TOX2: variants seen among roughly 807,000 people sequenced by gnomAD.
The protein encoded by TOX2 is granulosa cell HMG box 1.
Under a neutral mutation model 47.4 loss-of-function variants are expected in TOX2, and 15 were observed. The ratio of observed to expected loss-of-function variants is 0.32; its 90% confidence interval spans 0.21 to 0.49. TOX2 has a LOEUF of 0.49. Among genes scored for constraint, TOX2 ranks in the 20% least tolerant of loss-of-function variants. The pLI, the probability that TOX2 is intolerant of heterozygous loss-of-function variation, is 0.99. For missense variants in TOX2, 622 were observed against 673.1 expected (o/e 0.92, Z 0.84); for synonymous variants, 290 against 296.6 (o/e 0.98, Z 0.23).
intron 1 of TOX2, among the ~76,000 whole-genome samples, chr20:43,965,936 C>G (rs565207343): frequency 3.9e-4 from 59 of 152,234 alleles, no homozygotes; most frequent in Non-Finnish European, 7.4e-4. Flanking sequence ...TCCTCAGTGA[C>G]AGAGGAGACA....
chr20:44,011,801 C>T (rs937152242), intron 3 of TOX2, among the ~76,000 whole-genome samples: 2 of 152,268 alleles, frequency 1.3e-5, no homozygotes, highest in Non-Finnish European at 2.9e-5. Context: ...GCCCCCTTGG[C>T]TCTGATCCCA....
chr20:44,053,523 ATATATATACATATATAC>A (rs1231868238), intron 4 of TOX2, among the ~76,000 whole-genome samples: 2 of 41,022 alleles, frequency 4.9e-5, no homozygotes, highest in East Asian at 1.1e-3. Context: ...ATATATACAC[ATATATATACATATATAC>A]TATATATATA....
At chr20:43,978,569 T>C (rs190402207) in intron 2 of TOX2, among the ~76,000 whole-genome samples, 10 of 152,350 alleles carry the variant, frequency 6.6e-5, no homozygotes, top group Admixed American at 6.5e-4. Flanking sequence ...TGTTTTTGTA[T>C]GCATTGTTTC....
intron 1 of TOX2, among the ~76,000 whole-genome samples, chr20:43,955,944 G>T (rs2069662382): frequency 2.6e-5 from 4 of 152,248 alleles, no homozygotes; most frequent in African/African-American, 9.6e-5. Flanking sequence ...CATCTCCCCA[G>T]TGTGGCCCTT....
At chr20:43,917,396 C>G (rs1167062016) in intron 1 of TOX2, among the ~76,000 whole-genome samples, 1 of 152,178 alleles carries the variant, frequency 6.6e-6, no homozygotes, top group Non-Finnish European at 1.5e-5. Context: ...GGGAAACAGG[C>G]TCAGGGTGCA....
chr20:44,014,022 C>T (rs982014151), intron 3 of TOX2, among the ~76,000 whole-genome samples: 13 of 144,170 alleles, frequency 9.0e-5, no homozygotes, highest in African/African-American at 2.3e-4. Context: ...CCTAGCTACT[C>T]GGGAAGCTGA....
At chr20:43,926,253 T>G (rs1384308835) in intron 1 of TOX2, among the ~76,000 whole-genome samples, 2 of 152,182 alleles carry the variant, frequency 1.3e-5, no homozygotes, top group East Asian at 3.9e-4. Context: ...TTACATTATT[T>G]AGGAAGGTCT....
intron 3 of TOX2, among the ~76,000 whole-genome samples, chr20:44,019,422 C>T (rs1202640833): frequency 6.6e-6 from 1 of 152,258 alleles, no homozygotes; most frequent in Non-Finnish European, 1.5e-5. Flanking sequence ...AAACATCCCT[C>T]ACCCTATCCT....
intron 1 of TOX2, among the ~76,000 whole-genome samples, chr20:43,948,703 G>A (rs2069510488): frequency 6.6e-6 from 1 of 152,048 alleles, no homozygotes; most frequent in South Asian, 2.1e-4. Context: ...CTAGCCAGGG[G>A]GCCTGGCAGA....
At chr20:43,931,341 C>T (rs1057255419) in intron 1 of TOX2, among the ~76,000 whole-genome samples, 9 of 152,186 alleles carry the variant, frequency 5.9e-5, no homozygotes, top group Non-Finnish European at 1.0e-4. Context: ...CACCATGTTG[C>T]CCAGGCTGGT....
chr20:44,016,690 C>T (rs1271348498), intron 3 of TOX2, among the ~76,000 whole-genome samples: 9 of 152,184 alleles, frequency 5.9e-5, no homozygotes, highest in Non-Finnish European at 1.3e-4. Context: ...TTGAGAGCCT[C>T]CGCCTGCTGT....
At chr20:43,999,918 T>C (rs926724918) in intron 2 of TOX2, among the ~76,000 whole-genome samples, 6 of 152,280 alleles carry the variant, frequency 3.9e-5, no homozygotes, top group African/African-American at 1.4e-4. Context: ...AATACATCTA[T>C]GGCCAGTTGA....
At chr20:43,928,147 G>A (rs763188844) in intron 1 of TOX2, among the ~76,000 whole-genome samples, 3 of 152,168 alleles carry the variant, frequency 2.0e-5, no homozygotes, top group Non-Finnish European at 4.4e-5. Context: ...CATAGAAGGT[G>A]CTGAGAGTGT....
intron 3 of TOX2, among the ~76,000 whole-genome samples, chr20:44,039,626 T>C (rs1442130473): frequency 6.6e-6 from 1 of 152,036 alleles, no homozygotes; most frequent in Non-Finnish European, 1.5e-5. Flanking sequence ...CAAGTGAGAT[T>C]GAAAGGAAAG....
chr20:43,933,673 G>A (rs1014809655), intron 1 of TOX2, among the ~76,000 whole-genome samples: 2 of 152,202 alleles, frequency 1.3e-5, no homozygotes, highest in Non-Finnish European at 2.9e-5. Flanking sequence ...GGAGGCTGGG[G>A]TGTTGCCTCT....
intron 1 of TOX2, among the ~76,000 whole-genome samples, chr20:43,939,932 G>T (rs1475608339): frequency 3.3e-5 from 5 of 152,156 alleles, no homozygotes; most frequent in Non-Finnish European, 7.3e-5. Flanking sequence ...TGCTGCAGAG[G>T]TTTCCTTCTG....
At chr20:43,962,421 C>T (rs959363119) in intron 1 of TOX2, among the ~76,000 whole-genome samples, 8 of 152,196 alleles carry the variant, frequency 5.3e-5, no homozygotes, top group Non-Finnish European at 1.2e-4. Flanking sequence ...GGGGCTGGTG[C>T]TGAGTCCAGC....
At chr20:44,067,370 C>G (rs1280390962) in intron 8 of TOX2, among the ~76,000 whole-genome samples, 2 of 152,308 alleles carry the variant, frequency 1.3e-5, no homozygotes, top group East Asian at 1.9e-4. Context: ...TGGCTCCCAC[C>G]TGGAGGTCAG....
rs193137743 is a variant in TOX2 at position 44,020,852 on chromosome 20, G to A, written c.411+14060G>A. Among the ~76,000 whole-genome samples the A allele has an allele frequency of 3.9e-5, 6 of 152,266 alleles. No homozygotes were observed. In the East Asian group the frequency reaches 1.2e-3, roughly 29 times the overall value. On this transcript the variant is annotated intron_variant, in intron 3 of 8. Coordinates refer to ENST00000341197, the MANE Select transcript of TOX2 (RefSeq NM_001098797.2). ...GCACTTGTGTTTCTGTTTGCCTTGA[G>A]GATTTCATCACACTGAGGATGGTTG...
Sources: gnomAD v4.1 joint callset for allele counts (sites outside exome capture counted in the v4.1 genomes callset) on GRCh38, gnomAD v4.1.1 for gene constraint, MANE v1.5 for transcripts, NCBI Gene and HGNC (gene_info 2026-07-23, HGNC 2026-07-21) for gene names.